Variants in TBC1D17 observed in about 807,000 individuals in gnomAD.
TBC1D17 encodes TBC1 domain family, member 17.
In TBC1D17, 69 loss-of-function variants were observed where a neutral mutation model predicts 78.8. The observed-to-expected ratio is 0.88, with a 90% CI of 0.72 to 1.07. TBC1D17 has a LOEUF of 1.07. Ranked by LOEUF, TBC1D17 falls within the 50% of genes least tolerant of loss-of-function variation. The pLI is 0.00. For missense variants in TBC1D17, 957 were observed against 861.0 expected, an observed-to-expected ratio of 1.11 and a Z score of -1.39; for synonymous variants, 456 against 358.3, an observed-to-expected ratio of 1.27 and a Z score of -3.08.
intron 9 of TBC1D17, 138 bp downstream of exon 9, chr19:49,883,214 A>T: frequency 1.3e-6 from 1 of 741,614 alleles, no homozygotes; most frequent in South Asian, 1.8e-5. Flanking sequence ...TACGGCAATG[A>T]TCAAGCCAGA....
chr19:49,886,175 G>C (rs1054856574), intron 13 of TBC1D17, among the ~76,000 whole-genome samples: 1 of 151,950 alleles, frequency 6.6e-6, no homozygotes, highest in East Asian at 1.9e-4. Context: ...AGCTACTCAG[G>C]AGGCTGAGAC....
rs770072731 is a variant in TBC1D17 at position 49,887,590 on chromosome 19, G to C, written c.1542+17G>C. 1.2e-6 allele frequency: 2 copies of C among 1,613,728 alleles called. No homozygotes were observed. The highest frequency in any genetic ancestry group is 3.3e-5 in the Admixed American group (2 of 59,976). ...CTGTGGGAGGTGGGCCAGCCAGTTT[G>C]GGCGAGAGGCCTGAAGGGGTGGGCT... On this transcript the variant is annotated intron_variant, in intron 14 of 16. Transcript: ENST00000221543.
chr19:49,879,956 C>T (rs1258759879), intron 3 of TBC1D17, among the ~76,000 whole-genome samples: 1 of 151,200 alleles, frequency 6.6e-6, no homozygotes, highest in South Asian at 2.1e-4. Context: ...CAGGTTCAAG[C>T]GATTTTCCTT....
At position 49,881,391 on chromosome 19, in the gene TBC1D17, G is replaced by T; in HGVS notation, c.443G>T (p.Gly148Val). Residue 148 changes from glycine (G) to valine (V), a missense_variant, in exon 5 of 17, where the codon GGA becomes GTA. Gly to Val is a moderately radical substitution (Grantham distance 109, BLOSUM62 -3). Transcript: ENST00000221543. Reference sequence around the variant, plus strand: ...TACCTGGTTCTGGTGACCCAGGCTGGAGGTTCCCTGCCCGCACTGCACTTC... The same window carrying T: ...TACCTGGTTCTGGTGACCCAGGCTGTAGGTTCCCTGCCCGCACTGCACTTC... ...WAYLVLVTQA[G>V]GSLPALHFHR... 6.2e-7 allele frequency: 1 copy of T among 1,613,158 alleles called. No homozygotes were observed. The highest frequency in any genetic ancestry group is 8.5e-7 in the Non-Finnish European group (1 of 1,179,992).
intron 4 of TBC1D17, 131 bp from the exon 5 acceptor site, chr19:49,881,137 C>T (rs1438947744): frequency 4.1e-6 from 3 of 725,456 alleles, no homozygotes; most frequent in Admixed American, 2.8e-5. Flanking sequence ...AATGTGAGGC[C>T]AGGGGCAGAG....
rs1031126882 is a variant in TBC1D17, at chr19:49,882,666, C to A, written c.799-98C>A. The A allele has an allele frequency of 1.1e-5, 16 of 1,434,532 alleles. No homozygotes were observed. In the Admixed American group the frequency reaches 4.7e-4, roughly 42 times the overall value. The allele number at this position is 1,434,532 out of a possible 1,614,324, so 88.9% of individuals were successfully genotyped here. A position where few individuals can be genotyped will look rare whatever the true frequency, so the allele number is the denominator to read the frequency against. ...TGCCTGCCCCTGAATGTTAGTCATC[C>A]GTCAAGCTAATAAGCTCTCTGAGCT... On this transcript the variant is annotated intron_variant, in intron 7 of 16. Transcript: ENST00000221543.
intron 9 of TBC1D17, among the ~76,000 whole-genome samples, chr19:49,883,431 G>A (rs1272630419): frequency 1.3e-5 from 2 of 152,164 alleles, no homozygotes; most frequent in African/African-American, 4.8e-5. Flanking sequence ...CCAGTGGGGG[G>A]TGACAAATTT....
chr19:49,879,846 T>C (rs1237446731), intron 3 of TBC1D17, among the ~76,000 whole-genome samples: 1 of 65,396 alleles, frequency 1.5e-5, no homozygotes, highest in East Asian at 5.9e-4. Flanking sequence ...TACTTTCTTT[T>C]TTCTTTTTTT....
chr19:49,881,194 C>A, intron 4 of TBC1D17, 74 bp from the exon 5 acceptor site: 1 of 1,374,422 alleles, frequency 7.3e-7, no homozygotes, highest in Admixed American at 2.0e-5. Flanking sequence ...GCCGAAGGAA[C>A]ATCCTGGGTT....
chr19:49,887,205 A>C, intron 13 of TBC1D17: 4 of 464,944 alleles, frequency 8.6e-6, no homozygotes, highest in African/African-American at 2.0e-5. Flanking sequence ...AGCAGCGGGC[A>C]GAGGTCTGTT....
At chr19:49,884,409 C>A in intron 11 of TBC1D17, 40 bp downstream of exon 11, 1 of 1,613,786 alleles carries the variant, frequency 6.2e-7, no homozygotes, top group South Asian at 1.1e-5. Context: ...CCGGGGCTGT[C>A]CAGGGGAGCG....
rs777914669 is a variant in TBC1D17, at chr19:49,882,044, C to T, written c.531C>T (p.Ser177=). The T allele has an allele frequency of 7.4e-6, 12 of 1,613,614 alleles. No homozygotes were observed. The highest frequency in any genetic ancestry group is 1.0e-5 in the Non-Finnish European group (12 of 1,179,732). Residue 177 remains serine (S), a synonymous_variant, in exon 6 of 17, where the codon TCC becomes TCT. Transcript: ENST00000221543. ...TGCGTCACCTCCCGCCTCCCAGCTC[C>T]CCGCAGGACTCCCGCCTCTACCTTG... ...VLSRYLLLAS[S]PQDSRLYLVF...
At chr19:49,885,337 C>G (rs965985788) in intron 13 of TBC1D17, 5 of 154,610 alleles carry the variant, frequency 3.2e-5, no homozygotes, top group African/African-American at 1.2e-4. Flanking sequence ...CCCAGCTACT[C>G]AGGAGGCTGA....
intron 13 of TBC1D17, 182 bp from the exon 14 acceptor site, chr19:49,887,294 A>G: frequency 1.6e-6 from 1 of 615,920 alleles, no homozygotes; most frequent in Non-Finnish European, 2.9e-6. Context: ...CTTCCTCTGG[A>G]GAGTGGGAGG....
intron 13 of TBC1D17, among the ~76,000 whole-genome samples, chr19:49,886,141 G>A (rs898162277): frequency 6.6e-6 from 1 of 151,950 alleles, no homozygotes; most frequent in African/African-American, 2.4e-5. Context: ...TTAGCCGGGG[G>A]TGGTGGCGAG....
intron 13 of TBC1D17, chr19:49,886,916 C>T (rs981791785): frequency 5.0e-5 from 8 of 160,528 alleles, no homozygotes; most frequent in African/African-American, 1.9e-4. Context: ...CTGCCTCAGC[C>T]TCCCAAGGAG....
chr19:49,877,961 C>G (rs536669729), intron 1 of TBC1D17, 182 bp from the exon 2 acceptor site: 3 of 721,806 alleles, frequency 4.2e-6, no homozygotes, highest in East Asian at 2.8e-5. Context: ...AGCCCTGCCC[C>G]CTGTGGAACG....
Position 49,878,190 on chromosome 19 carries a change from G to A in TBC1D17, c.69G>A (p.Lys23=), listed in dbSNP as rs1483862798. ...TGTACCTGCACACCAGCGCTAAGAA[G>A]TATCAGGACCGAGACTCTCTCATCG... ...GGVYLHTSAK[K]YQDRDSLIAG... Residue 23 remains lysine, a synonymous_variant, in exon 2 of 17, where the codon AAG becomes AAA. Coordinates refer to ENST00000221543, the MANE Select transcript of TBC1D17 (RefSeq NM_024682.3). 1.3e-6 allele frequency: 2 copies of A among 1,574,556 alleles called. No homozygotes were observed. Among genetic ancestry groups the A allele is most frequent in the Non-Finnish European group, 1.7e-6 (2 of 1,160,274 alleles).
intron 13 of TBC1D17, among the ~76,000 whole-genome samples, chr19:49,885,806 T>C (rs2075053952): frequency 6.6e-6 from 1 of 151,764 alleles, no homozygotes; most frequent in Admixed American, 6.6e-5. Context: ...ACTCTGTTTC[T>C]ACTAAAAATA....
Sources: gnomAD v4.1 joint callset for allele counts (sites outside exome capture counted in the v4.1 genomes callset) on GRCh38, gnomAD v4.1.1 for gene constraint, MANE v1.5 for transcripts, NCBI Gene and HGNC (gene_info 2026-07-23, HGNC 2026-07-21) for gene names.